Variants in VWA3A observed in about 807,000 individuals in gnomAD.
The protein encoded by VWA3A is von Willebrand factor A domain containing 3A, also known as von Willebrand factor A domain-containing protein 3A.
Under a neutral mutation model 160.4 loss-of-function variants are expected in VWA3A, and 134 were observed. The ratio of observed to expected loss-of-function variants is 0.84; its 90% CI spans 0.73 to 0.96. The LOEUF (loss-of-function observed/expected upper bound fraction) is 0.96, where lower values mean the gene tolerates loss of function less well. Ranked by LOEUF, VWA3A falls within the 40% of genes least tolerant of loss-of-function variation. The pLI is 0.00. For synonymous variants in VWA3A, 476 were observed against 543.4 expected (o/e 0.88, Z 1.72); for missense variants, 1,310 against 1,447.9 (o/e 0.90, Z 1.55).
chr16:22,118,217 G>A (rs1647752024), intron 11 of VWA3A, among the ~76,000 whole-genome samples: 1 of 152,144 alleles, frequency 6.6e-6, no homozygotes, highest in Admixed American at 6.6e-5. Flanking sequence ...GGAGTTTGAG[G>A]CTGCAGTGAC....
chr16:22,154,298 G>A (rs78610306), intron 31 of VWA3A, among the ~76,000 whole-genome samples: 268 of 151,552 alleles, frequency 1.8e-3, no homozygotes, highest in African/African-American at 6.2e-3. Flanking sequence ...CAGGCAGAAG[G>A]GATGGCTTCC....
rs2045786426 is a variant in VWA3A, at chr16:22,123,614, A to G, written c.1439A>G (p.Gln480Arg). 1 of 1,613,836 alleles carries G rather than the reference A, an allele frequency of 6.2e-7. No homozygotes were observed. Among genetic ancestry groups the G allele is most frequent in the Non-Finnish European group, 8.5e-7 (1 of 1,179,880 alleles). Residue 480 changes from glutamine (Q) to arginine (R), a missense_variant and splice_region_variant, in exon 16 of 34, where the codon CAA becomes CGA. Gln to Arg is a conservative substitution (Grantham distance 43, BLOSUM62 1). Coordinates refer to ENST00000389398, the MANE Select transcript of VWA3A (RefSeq NM_173615.5). ...VDPPFLYKYQ[Q>R]QLSRAMRMYE... ...TCACTGTGGCCCACACTTCTGCAGC[A>G]ACAGCTCAGCAGAGCTATGCGGATG...
At chr16:22,115,600 G>C in intron 9 of VWA3A, 128 bp downstream of exon 9, 1 of 1,083,804 alleles carries the variant, frequency 9.2e-7, no homozygotes, top group East Asian at 2.9e-5. Context: ...GGGAGGCCGA[G>C]ACAGGAGGAT....
intron 18 of VWA3A, 29 bp downstream of exon 18, chr16:22,131,308 C>A (rs901313047): frequency 6.2e-7 from 1 of 1,611,272 alleles, no homozygotes; most frequent in African/African-American, 1.3e-5. Context: ...CTTCGTGGGG[C>A]TGTGTCTGAG....
At chr16:22,131,554 A>AC in intron 18 of VWA3A, 31 bp from the exon 19 acceptor site, 1 of 1,605,808 alleles carries the variant, frequency 6.2e-7, no homozygotes, top group Non-Finnish European at 8.5e-7. Flanking sequence ...TGGGCCAATG[A>AC]CCCTCAGCAT....
At chr16:22,100,156 T>C in intron 3 of VWA3A, 38 bp from the exon 4 acceptor site, 4 of 1,512,984 alleles carry the variant, frequency 2.6e-6, no homozygotes, top group Non-Finnish European at 2.7e-6. Context: ...TTCCCTCTCT[T>C]TCCACTTCAC....
intron 9 of VWA3A, among the ~76,000 whole-genome samples, chr16:22,115,971 GGAGAGAGA>G (rs71769438): frequency 3.3e-5 from 2 of 60,638 alleles, no homozygotes; most frequent in East Asian, 7.1e-4. Flanking sequence ...AGGGAGGGAG[GGAGAGAGA>G]GAGAGAGAGA....
chr16:22,122,069 A>G (rs1428130778), intron 14 of VWA3A, among the ~76,000 whole-genome samples: 2 of 152,142 alleles, frequency 1.3e-5, no homozygotes, highest in Non-Finnish European at 2.9e-5. Flanking sequence ...TGTTTACTGG[A>G]TGGCTGAGAA....
At chr16:22,112,863 C>G (rs1216401985) in intron 8 of VWA3A, among the ~76,000 whole-genome samples, 1 of 152,248 alleles carries the variant, frequency 6.6e-6, no homozygotes, top group Non-Finnish European at 1.5e-5. Flanking sequence ...ATCCCAACCC[C>G]AACAGTCACT....
intron 1 of VWA3A, among the ~76,000 whole-genome samples, chr16:22,096,070 T>C (rs1292129067): frequency 6.6e-6 from 1 of 152,146 alleles, no homozygotes; most frequent in Non-Finnish European, 1.5e-5. Flanking sequence ...TTTCTGGTTG[T>C]CACATTGGGA....
intron 20 of VWA3A, among the ~76,000 whole-genome samples, chr16:22,133,986 C>T (rs894062351): frequency 4.6e-5 from 7 of 151,956 alleles, no homozygotes; most frequent in South Asian, 4.2e-4. Context: ...TTTTTAGAGA[C>T]GGGGTCTCCC....
intron 21 of VWA3A, among the ~76,000 whole-genome samples, chr16:22,137,664 G>A (rs935692069): frequency 2.6e-5 from 4 of 152,178 alleles, no homozygotes; most frequent in African/African-American, 9.7e-5. Context: ...GTTTTTAAGG[G>A]TTTTGCAGTG....
At chr16:22,142,817 G>A (rs371361585) in intron 25 of VWA3A, 52 bp downstream of exon 25, 2 of 1,354,316 alleles carry the variant, frequency 1.5e-6, no homozygotes, top group South Asian at 2.5e-5. Flanking sequence ...GAGTAGTTCT[G>A]TCCACCAACC....
chr16:22,097,825 T>C, intron 3 of VWA3A, 130 bp downstream of exon 3: 1 of 1,239,986 alleles, frequency 8.1e-7, no homozygotes. Context: ...ATTAAGCATT[T>C]ATCTCTAATC....
At chr16:22,136,071 G>A (rs952271975) in intron 21 of VWA3A, among the ~76,000 whole-genome samples, 3 of 152,128 alleles carry the variant, frequency 2.0e-5, no homozygotes, top group Admixed American at 6.5e-5. Context: ...GATCACAGGC[G>A]GGAGCCACCA....
At chr16:22,111,144 T>C (rs1274549850) in intron 8 of VWA3A, 150 bp downstream of exon 8, 2 of 637,216 alleles carry the variant, frequency 3.1e-6, no homozygotes, top group Non-Finnish European at 2.5e-6. Context: ...AGAAACAATT[T>C]TTGGAAAGAT....
intron 5 of VWA3A, among the ~76,000 whole-genome samples, chr16:22,102,469 T>A (rs141505608): frequency 6.6e-6 from 1 of 152,252 alleles, no homozygotes; most frequent in Non-Finnish European, 1.5e-5. Flanking sequence ...TCCAAAGACC[T>A]TTTTTGTCCC....
intron 5 of VWA3A, among the ~76,000 whole-genome samples, chr16:22,101,101 A>G (rs769707068): frequency 6.6e-6 from 1 of 151,928 alleles, no homozygotes; most frequent in Non-Finnish European, 1.5e-5. Context: ...TTTCAAATCC[A>G]TAGTCTAGGG....
intron 26 of VWA3A, among the ~76,000 whole-genome samples, 185 bp from the exon 27 acceptor site, chr16:22,146,051 G>T (rs1236694577): frequency 6.6e-6 from 1 of 152,092 alleles, no homozygotes; most frequent in Non-Finnish European, 1.5e-5. Context: ...TGATCTCTTG[G>T]GCTCAAGCGA....
Sources: allele counts gnomAD v4.1 joint callset (sites outside exome capture counted in the v4.1 genomes callset), GRCh38; gene constraint gnomAD v4.1.1; transcripts MANE v1.5; gene names NCBI Gene and HGNC (gene_info 2026-07-23, HGNC 2026-07-21).